Variants in RBFOX1 observed in about 807,000 individuals in gnomAD.
RBFOX1 encodes the protein RNA binding protein fox-1 homolog 1.
Under a neutral mutation model 57.7 loss-of-function variants are expected in RBFOX1, and 8 were observed. The observed-to-expected ratio is 0.14, with a 90% CI of 0.08 to 0.25. RBFOX1 has a LOEUF of 0.25. Ranked by LOEUF, RBFOX1 falls within the 10% of genes least tolerant of loss-of-function variation. The pLI is 1.00. For missense variants in RBFOX1, 611 were observed against 548.5 expected (o/e 1.11, Z -1.14); for synonymous variants, 326 against 222.4 (o/e 1.47, Z -4.15).
At chr16:6,846,456 G>T (rs1285823697) in intron 3 of RBFOX1, among the ~76,000 whole-genome samples, 1 of 152,170 alleles carries the variant, frequency 6.6e-6, no homozygotes, top group Non-Finnish European at 1.5e-5. Flanking sequence ...TCTATAAGAA[G>T]ACACCTGGGT....
At chr16:6,303,777 C>T (rs912040502) in intron 1 of RBFOX1, among the ~76,000 whole-genome samples, 2 of 145,670 alleles carry the variant, frequency 1.4e-5, no homozygotes, top group South Asian at 2.3e-4. Flanking sequence ...AGTTTGAGAC[C>T]GGTCTGGCTA....
chr16:7,451,271 C>T (rs2098851195), intron 4 of RBFOX1, among the ~76,000 whole-genome samples: 1 of 152,188 alleles, frequency 6.6e-6, no homozygotes, highest in African/African-American at 2.4e-5. Context: ...TTGCTATGTA[C>T]TTATTCTGTG....
In RBFOX1 at chr16:5,294,122, G is replaced by A. The variant is rs899210237; in HGVS notation, c.219+54017G>A. 3.3e-5 allele frequency among the ~76,000 whole-genome samples: 5 copies of A among 152,104 alleles called. No individual in the cohort carries two copies. In the East Asian group the frequency reaches 5.8e-4, roughly 18 times the overall value. On this transcript the variant is annotated intron_variant, in intron 1 of 2. Coordinates refer to the RBFOX1 transcript ENST00000585867. ...TGCATGCCTGTAATCCCAGCTACTC[G>A]GGAGGCTGAGGTAGGAAAATGGGTT...
intron 4 of RBFOX1, among the ~76,000 whole-genome samples, chr16:7,224,518 A>C (rs1236314793): frequency 6.6e-6 from 1 of 152,138 alleles, no homozygotes; most frequent in Non-Finnish European, 1.5e-5. Flanking sequence ...CCTGCCCCTC[A>C]GTGCCTCTGA....
At chr16:5,668,516 A>G (rs886103577) in intron 3 of RBFOX1, among the ~76,000 whole-genome samples, 3 of 152,180 alleles carry the variant, frequency 2.0e-5, no homozygotes, top group Admixed American at 1.3e-4. Context: ...TAATAGAGCA[A>G]TCTGTTATTT....
chr16:7,208,502 G>C (rs1427706356), intron 4 of RBFOX1, among the ~76,000 whole-genome samples: 4 of 152,084 alleles, frequency 2.6e-5, no homozygotes, highest in African/African-American at 9.7e-5. Context: ...TAGTGGGAGG[G>C]GAAGCAAGAG....
intron 2 of RBFOX1, among the ~76,000 whole-genome samples, chr16:6,588,114 C>G (rs757754210): frequency 3.3e-5 from 5 of 151,794 alleles, no homozygotes; most frequent in African/African-American, 4.8e-5. Context: ...ACCTGTAATC[C>G]CAGCTACTCG....
chr16:6,393,885 C>A (rs143976108), intron 2 of RBFOX1, among the ~76,000 whole-genome samples: 68 of 152,272 alleles, frequency 4.5e-4, no homozygotes, highest in African/African-American at 1.6e-3. Flanking sequence ...GCAAAACCAG[C>A]CCTGTCCCAG....
chr16:5,863,206 T>A (rs1184040966), intron 3 of RBFOX1, among the ~76,000 whole-genome samples: 1 of 152,172 alleles, frequency 6.6e-6, no homozygotes, highest in Non-Finnish European at 1.5e-5. Flanking sequence ...GCCTTTGCGA[T>A]TTCAAACACA....
chr16:6,017,367 A>G (rs1317460704), upstream of RBFOX1, among the ~76,000 whole-genome samples: 2 of 152,122 alleles, frequency 1.3e-5, no homozygotes, highest in East Asian at 3.9e-4. Flanking sequence ...CTCTTTTACA[A>G]CCCATCTCAT....
At chr16:7,159,011 T>G (rs2077725834) in intron 4 of RBFOX1, among the ~76,000 whole-genome samples, 2 of 150,940 alleles carry the variant, frequency 1.3e-5, no homozygotes. Flanking sequence ...TTCCCCCCAT[T>G]TCTCTCACCC....
intron 4 of RBFOX1, among the ~76,000 whole-genome samples, chr16:7,086,990 G>A (rs895731012): frequency 1.3e-5 from 2 of 152,150 alleles, no homozygotes. Context: ...GCAGGCGGCA[G>A]CTGCAGCGAT....
intron 3 of RBFOX1, among the ~76,000 whole-genome samples, chr16:5,724,074 C>T (rs943991366): frequency 2.0e-5 from 3 of 152,142 alleles, no homozygotes; most frequent in African/African-American, 7.2e-5. Flanking sequence ...GACTGCTCAC[C>T]ACTTGAATGC....
At chr16:5,498,359 G>T (rs191032819) in intron 2 of RBFOX1, among the ~76,000 whole-genome samples, 144 of 152,262 alleles carry the variant, frequency 9.5e-4, no homozygotes, top group African/African-American at 3.4e-3. Flanking sequence ...GGCCAGGCTG[G>T]TCTCAACCTC....
At chr16:7,480,710 A>G (rs1470938624) in intron 4 of RBFOX1, among the ~76,000 whole-genome samples, 1 of 152,172 alleles carries the variant, frequency 6.6e-6, no homozygotes, top group Non-Finnish European at 1.5e-5. Context: ...TGCTGCCGAG[A>G]AATCTTCTGC....
intron 4 of RBFOX1, among the ~76,000 whole-genome samples, chr16:7,379,926 C>T (rs974021688): frequency 6.6e-6 from 1 of 152,150 alleles, no homozygotes; most frequent in African/African-American, 2.4e-5. Context: ...CATCATATCT[C>T]ACCCCACAGC....
chr16:7,634,797 G>A (rs185074659), intron 11 of RBFOX1, among the ~76,000 whole-genome samples: 28 of 152,208 alleles, frequency 1.8e-4, no homozygotes, highest in East Asian at 3.9e-4. Context: ...CCTCTTACAC[G>A]TCCTAATAAA....
chr16:5,935,545 G>A (rs1276634471), intron 4 of RBFOX1, among the ~76,000 whole-genome samples: 5 of 152,172 alleles, frequency 3.3e-5, no homozygotes, highest in African/African-American at 1.2e-4. Context: ...TGGAGTGTGA[G>A]AGCAGGAAAG....
At chr16:6,298,024 C>G (rs976618901) in intron 1 of RBFOX1, among the ~76,000 whole-genome samples, 4 of 152,216 alleles carry the variant, frequency 2.6e-5, no homozygotes, top group African/African-American at 9.6e-5. Context: ...AAAGCTGTTG[C>G]ACTGGTCCTC....
Sources: allele counts gnomAD v4.1 joint callset (sites outside exome capture counted in the v4.1 genomes callset), GRCh38; gene constraint gnomAD v4.1.1; transcripts MANE v1.5; gene names NCBI Gene and HGNC (gene_info 2026-07-23, HGNC 2026-07-21).